The following GALNT13 variants were observed in gnomAD, a reference collection of about 807,000 sequenced individuals.
The protein encoded by GALNT13 is UDP-GalNAc:polypeptide N-acetylgalactosaminyltransferase 13.
GALNT13 carries 28 observed loss-of-function variants against 64.2 expected under a neutral mutation model. That is an observed-to-expected ratio of 0.44 (90% CI 0.32 to 0.60). GALNT13 has a LOEUF of 0.60. Ranked by LOEUF, GALNT13 falls within the 20% of genes least tolerant of loss-of-function variation. GALNT13 has a pLI of 0.05. For synonymous variants in GALNT13, 214 were observed against 224.6 expected (o/e 0.95, Z 0.42); for missense variants, 577 against 669.8 (o/e 0.86, Z 1.53).
the GALNT13 span, among the ~76,000 whole-genome samples, chr2:153,202,229 C>G: frequency 6.6e-6 from 1 of 151,850 alleles, no homozygotes; most frequent in East Asian, 1.9e-4. Context: ...CATGATCCAC[C>G]CGCCTCGGCC....
the GALNT13 span, among the ~76,000 whole-genome samples, chr2:153,205,180 T>G: frequency 2.0e-5 from 3 of 151,288 alleles, no homozygotes; most frequent in African/African-American, 7.3e-5. Context: ...CTTTAGTGTT[T>G]TTTTTTTTTT....
At chr2:153,906,515 G>A (rs1688577255) in intron 2 of GALNT13, among the ~76,000 whole-genome samples, 2 of 151,170 alleles carry the variant, frequency 1.3e-5, no homozygotes, top group Non-Finnish European at 1.5e-5. Context: ...TTGTCCTTGT[G>A]ATAGTTTGCT....
the GALNT13 span, among the ~76,000 whole-genome samples, chr2:153,595,499 T>C: frequency 6.6e-6 from 1 of 151,958 alleles, no homozygotes. Flanking sequence ...TCTTTAAAAA[T>C]TTGTTAAATC....
chr2:154,054,787 C>A (rs1258186089), intron 3 of GALNT13, among the ~76,000 whole-genome samples: 1 of 151,766 alleles, frequency 6.6e-6, no homozygotes, highest in African/African-American at 2.4e-5. Context: ...ATCAAGTTAA[C>A]AAAATTATTG....
chr2:154,260,774 C>T (rs1196075269), intron 8 of GALNT13, among the ~76,000 whole-genome samples: 1 of 152,106 alleles, frequency 6.6e-6, no homozygotes, highest in Non-Finnish European at 1.5e-5. Context: ...TAATTTGCTT[C>T]TATTCTTAGA....
chr2:153,536,193 C>A, the GALNT13 span, among the ~76,000 whole-genome samples: 12 of 152,176 alleles, frequency 7.9e-5, no homozygotes, highest in Non-Finnish European at 1.5e-4. Flanking sequence ...GGAATATGAT[C>A]AAGCTCCAAT....
At chr2:153,301,320 A>AAAAAAAAAG in the GALNT13 span, among the ~76,000 whole-genome samples, 3 of 126,662 alleles carry the variant, frequency 2.4e-5, no homozygotes, top group Non-Finnish European at 5.0e-5. Context: ...AAAAAAAAAG[A>AAAAAAAAAG]AAAAAAAAAA....
the GALNT13 span, among the ~76,000 whole-genome samples, chr2:153,722,642 A>C: frequency 2.0e-5 from 3 of 152,174 alleles, no homozygotes; most frequent in African/African-American, 7.2e-5. Flanking sequence ...ATCCCACAGA[A>C]ATACAAACTA....
chr2:153,241,787 G>A, the GALNT13 span, among the ~76,000 whole-genome samples: 15 of 151,884 alleles, frequency 9.9e-5, no homozygotes, highest in African/African-American at 3.1e-4. Context: ...TCTATTCTAT[G>A]ATACCCCTCT....
At chr2:153,592,570 T>C in the GALNT13 span, among the ~76,000 whole-genome samples, 14 of 152,316 alleles carry the variant, frequency 9.2e-5, no homozygotes, top group Non-Finnish European at 1.9e-4. Context: ...GAGGTCATTA[T>C]TTTAAGTGAA....
chr2:153,449,912 G>T, the GALNT13 span: 1 of 152,258 alleles, frequency 6.6e-6, no homozygotes, highest in African/African-American at 2.4e-5. Context: ...CCTCTTAAAG[G>T]CCATACCTCT....
intron 9 of GALNT13, among the ~76,000 whole-genome samples, chr2:154,367,986 TGTA>T (rs1239831890): frequency 1.3e-5 from 2 of 152,178 alleles, no homozygotes; most frequent in Admixed American, 6.6e-5. Context: ...AATAAAAATA[TGTA>T]GTATTTGATT....
At chr2:153,785,605 G>T in the GALNT13 span, among the ~76,000 whole-genome samples, 1 of 152,066 alleles carries the variant, frequency 6.6e-6, no homozygotes, top group Non-Finnish European at 1.5e-5. Flanking sequence ...ATTGCCCCTG[G>T]GGGCTCCACC....
At chr2:153,360,053 C>T in the GALNT13 span, among the ~76,000 whole-genome samples, 1 of 152,256 alleles carries the variant, frequency 6.6e-6, no homozygotes, top group East Asian at 1.9e-4. Context: ...TCCAAAAGAA[C>T]CAAAACAGTG....
At chr2:153,878,444 A>G (rs1359023049) in intron 1 of GALNT13, among the ~76,000 whole-genome samples, 1 of 152,180 alleles carries the variant, frequency 6.6e-6, no homozygotes, top group Non-Finnish European at 1.5e-5. Flanking sequence ...TTGATGACAT[A>G]ATGCTTATAG....
intron 6 of GALNT13, among the ~76,000 whole-genome samples, chr2:154,245,231 T>C (rs966817688): frequency 7.2e-5 from 11 of 152,138 alleles, no homozygotes; most frequent in African/African-American, 2.7e-4. Flanking sequence ...TTGAGGACAT[T>C]TTACTCAGAA....
the GALNT13 span, among the ~76,000 whole-genome samples, chr2:153,342,257 A>G: frequency 6.6e-6 from 1 of 152,182 alleles, no homozygotes; most frequent in Non-Finnish European, 1.5e-5. Flanking sequence ...GTCTATTTAA[A>G]ATATCTCTTC....
At chr2:153,993,189 A>G (rs1157532839) in intron 3 of GALNT13, among the ~76,000 whole-genome samples, 2 of 152,146 alleles carry the variant, frequency 1.3e-5, no homozygotes, top group Non-Finnish European at 2.9e-5. Flanking sequence ...ACCATTTACA[A>G]CTATTGTATA....
intron 3 of GALNT13, among the ~76,000 whole-genome samples, chr2:153,952,004 A>G (rs1215424061): frequency 1.3e-5 from 2 of 152,128 alleles, no homozygotes; most frequent in African/African-American, 4.8e-5. Flanking sequence ...TGTTTTTTAA[A>G]GGACTGCTCT....
Sources: allele counts gnomAD v4.1 joint callset (sites outside exome capture counted in the v4.1 genomes callset), GRCh38; gene constraint gnomAD v4.1.1; transcripts MANE v1.5; gene names NCBI Gene and HGNC (gene_info 2026-07-23, HGNC 2026-07-21).